DMXL2: variants seen among roughly 807,000 people sequenced by gnomAD.
DMXL2 encodes the protein dmX-like protein 2.
A neutral mutation model predicts 331.1 loss-of-function variants in DMXL2; 103 were observed. The observed-to-expected ratio is 0.31, with a 90% CI of 0.27 to 0.37. The LOEUF (loss-of-function observed/expected upper bound fraction) is 0.37, where lower values mean the gene tolerates loss of function less well. DMXL2 is among the 10% of genes least tolerant of loss of function. The probability of loss-of-function intolerance (pLI) is 1.00; values close to 1 mark genes in which losing one functional copy is unlikely to be tolerated. For missense variants in DMXL2, 3,171 were observed against 3,642.9 expected, an observed-to-expected ratio of 0.87 and a Z score of 3.33; for synonymous variants, 1,281 against 1,252.1, an observed-to-expected ratio of 1.02 and a Z score of -0.49.
At position 51,448,728 on chromosome 15, in the gene DMXL2, C is replaced by A; in HGVS notation, c.*256G>T. 2.3e-6 allele frequency: 1 copy of A among 442,048 alleles called. No individual in the cohort carries two copies. Among genetic ancestry groups the A allele is most frequent in the South Asian group, 4.0e-5 (1 of 25,198 alleles). The allele number at this position is 442,048 out of a possible 1,614,324, so 27.4% of individuals were successfully genotyped here. A position where few individuals can be genotyped will look rare whatever the true frequency, so the allele number is the denominator to read the frequency against. ...TGCTAATCTCAAATGTTTTCTGAAT[C>A]AGGTTTGCTAAATGCTGTAAAGAAT... On this transcript the variant is annotated 3_prime_UTR_variant, in exon 44 of 44. Transcript: ENST00000560891.
chr15:51,465,791 G>A (rs2040518085), intron 30 of DMXL2, 140 bp from the exon 31 acceptor site: 2 of 629,624 alleles, frequency 3.2e-6, no homozygotes, highest in East Asian at 6.0e-5. Context: ...TGCAAAAATG[G>A]CACCTCTGTG....
At chr15:51,484,589 A>G (rs151274966) in intron 23 of DMXL2, among the ~76,000 whole-genome samples, 3 of 152,296 alleles carry the variant, frequency 2.0e-5, no homozygotes, top group Middle Eastern at 3.4e-3. Flanking sequence ...TACTCCATAA[A>G]ATTAGAAGAG....
At chr15:51,588,838 T>C (rs1214593217) in intron 1 of DMXL2, among the ~76,000 whole-genome samples, 2 of 152,214 alleles carry the variant, frequency 1.3e-5, no homozygotes, top group Non-Finnish European at 2.9e-5. Context: ...TTCCTATAGA[T>C]GTTTCCTTCA....
intron 36 of DMXL2, 97 bp downstream of exon 36, chr15:51,458,409 A>G: frequency 7.6e-7 from 1 of 1,311,464 alleles, no homozygotes; most frequent in Non-Finnish European, 1.1e-6. Flanking sequence ...TGAAGGAGAT[A>G]CACGTATACC....
chr15:51,533,608 G>A (rs554915000), intron 13 of DMXL2, among the ~76,000 whole-genome samples: 1 of 152,308 alleles, frequency 6.6e-6, no homozygotes, highest in African/African-American at 2.4e-5. Context: ...GTCACCAAGT[G>A]ATGTCAAGGT....
rs770326567 is a variant in DMXL2 at position 51,538,376 on chromosome 15, G to A, written c.1182C>T (p.Asn394=). 2.0e-5 allele frequency: 32 copies of A among 1,613,294 alleles called. No individual in the cohort carries two copies. Among genetic ancestry groups the A allele is most frequent in the Non-Finnish European group, 2.5e-6 (3 of 1,179,528 alleles). ...GNGGFVVHWL[N]NKEFHFTSST... ...ATGATGTAAAATGAAATTCCTTGTT[G>A]TTTAACCAATGAACTACAAAGCCCC... The change falls in exon 10 of 44, where the codon AAC becomes AAT. Residue 394 remains asparagine (N), a synonymous_variant. Transcript: ENST00000560891.
At chr15:51,576,871 G>C in intron 1 of DMXL2, among the ~76,000 whole-genome samples, 1 of 152,222 alleles carries the variant, frequency 6.6e-6, no homozygotes, top group South Asian at 2.1e-4. Context: ...AATTTATATA[G>C]AATATTGGGC....
Position 51,487,876 on chromosome 15 carries a change from A to G in DMXL2, c.5217+78T>C, listed in dbSNP as rs1567017672. 13 of 1,279,696 alleles carry G rather than the reference A, an allele frequency of 1.0e-5. No homozygotes were observed. The South Asian group carries it at 1.7e-4, about 16-fold the overall frequency. The allele number at this position is 1,279,696 out of a possible 1,614,324, so 79.3% of individuals were successfully genotyped here. A position where few individuals can be genotyped will look rare whatever the true frequency, so the allele number is the denominator to read the frequency against. On this transcript the variant is annotated intron_variant, in intron 22 of 43. Coordinates refer to ENST00000560891, the MANE Select transcript of DMXL2 (RefSeq NM_001378457.1). ...TGTGTCCTAACAAACATATGACCAA[A>G]AGTTACAATCTCCTCTACAACCTTC...
At chr15:51,520,945 T>C (rs1400915133) in intron 13 of DMXL2, among the ~76,000 whole-genome samples, 1 of 152,188 alleles carries the variant, frequency 6.6e-6, no homozygotes. Context: ...CAGTTTTTCT[T>C]AAACCATTTC....
At chr15:51,461,827 A>C (rs2040153373) in intron 33 of DMXL2, among the ~76,000 whole-genome samples, 1 of 152,214 alleles carries the variant, frequency 6.6e-6, no homozygotes, top group South Asian at 2.1e-4. Flanking sequence ...GGTGTGAGCC[A>C]CTATGCCTGG....
chr15:51,574,136 C>T (rs1021371973), intron 2 of DMXL2, among the ~76,000 whole-genome samples: 12 of 152,254 alleles, frequency 7.9e-5, no homozygotes, highest in African/African-American at 2.9e-4. Context: ...GAGCCATAAA[C>T]TGCACCTGGG....
chr15:51,529,946 T>C (rs539777190), intron 13 of DMXL2, among the ~76,000 whole-genome samples: 1 of 152,076 alleles, frequency 6.6e-6, no homozygotes, highest in East Asian at 1.9e-4. Flanking sequence ...GTTCAACACA[T>C]ACAAATCAAT....
At position 51,471,401 on chromosome 15, in the gene DMXL2, G is replaced by A; in HGVS notation, c.7214C>T (p.Ala2405Val). ...KPRRQSENIS[A>V]PPVLSEDIDK... ...TATGTCTTCAGAAAGGACAGGAGGT[G>A]CTAAATGAAGATAGAAGGAAAAAAA... Residue 2405 changes from alanine to valine, a missense_variant and splice_region_variant, in exon 29 of 44, where the codon GCA becomes GTA. This residue lies in a region of DMXL2 where 766 missense variants were observed against 940.5 expected (regional missense o/e 0.81). Transcript: ENST00000560891. 6.3e-7 allele frequency: 1 copy of A among 1,576,616 alleles called. No individual in the cohort carries two copies. Among genetic ancestry groups the A allele is most frequent in the Non-Finnish European group, 8.6e-7 (1 of 1,159,008 alleles).
chr15:51,586,056 C>G (rs2051798600), intron 1 of DMXL2, among the ~76,000 whole-genome samples: 1 of 152,174 alleles, frequency 6.6e-6, no homozygotes, highest in Non-Finnish European at 1.5e-5. Context: ...ACACACTTTA[C>G]TGACATGATT....
In DMXL2 at chr15:51,526,117, A is replaced by C. The variant is rs561507860; in HGVS notation, c.2437-8950T>G. ...TCAGAAAAGAGAGAGAGAAAGAGAG[A>C]GGGAGGGGGAAGGAGAGAGAGGGAG... On this transcript the variant is annotated intron_variant, in intron 13 of 43. Transcript: ENST00000560891. 2.0e-4 allele frequency among the ~76,000 whole-genome samples: 25 copies of C among 124,042 alleles called. No homozygotes were observed. The East Asian group carries it at 6.8e-3, about 34-fold the overall frequency. 81.4% of individuals were successfully genotyped at this position (124,042 alleles called of 152,430 possible).
At chr15:51,550,675 T>A (rs1387796855) in intron 6 of DMXL2, among the ~76,000 whole-genome samples, 1 of 152,174 alleles carries the variant, frequency 6.6e-6, no homozygotes, top group Non-Finnish European at 1.5e-5. Context: ...CAAGTGTTAT[T>A]TTTTAAAATG....
chr15:51,476,591 G>A lies in DMXL2; in HGVS notation c.6962C>T (p.Pro2321Leu). The A allele has an allele frequency of 6.2e-7, 1 of 1,602,504 alleles. No individual in the cohort carries two copies. Among genetic ancestry groups the A allele is most frequent in the Non-Finnish European group, 8.5e-7 (1 of 1,176,500 alleles). ...TTTTTAATCATTTAAATTCTCACCAGGCCATTGAGCAGGAGATGAATTTGG... is the reference window on the plus strand; with the variant it reads ...TTTTTAATCATTTAAATTCTCACCAAGCCATTGAGCAGGAGATGAATTTGG... Reference protein sequence around the residue: ...ATPNSSPAQWPGVSSLINLLS... With the variant: ...ATPNSSPAQWLGVSSLINLLS... The change falls in exon 27 of 44, where the codon CCT becomes CTT. Residue 2321 changes from proline to leucine, a missense_variant and splice_region_variant. Pro to Leu is a moderately conservative substitution (Grantham distance 98, BLOSUM62 -3). Around this residue, in one of 7 missense-constraint regions of DMXL2, gnomAD observed 766 missense variants for 940.5 expected, o/e 0.81. Coordinates refer to ENST00000560891, the MANE Select transcript of DMXL2 (RefSeq NM_001378457.1).
intron 1 of DMXL2, among the ~76,000 whole-genome samples, chr15:51,578,909 AG>A (rs1297258335): frequency 6.6e-6 from 1 of 152,178 alleles, no homozygotes; most frequent in Non-Finnish European, 1.5e-5. Context: ...GTTCGAGAAT[AG>A]CCTGGGAAAC....
intron 8 of DMXL2, among the ~76,000 whole-genome samples, chr15:51,543,546 G>C (rs1353336882): frequency 6.6e-6 from 1 of 152,022 alleles, no homozygotes. Flanking sequence ...CTGGATCTTT[G>C]ACATTAACCA....
Sources: gnomAD v4.1 joint callset for allele counts (sites outside exome capture counted in the v4.1 genomes callset) on GRCh38, gnomAD v4.1.1 for gene constraint, gnomAD v4.1.1 regional missense constraint, MANE v1.5 for transcripts, NCBI Gene and HGNC (gene_info 2026-07-23, HGNC 2026-07-21) for gene names.